The following ABCC1 variants were observed in gnomAD, a reference collection of about 807,000 sequenced individuals.
ABCC1 encodes multidrug resistance-associated protein 1.
ABCC1 carries 83 observed loss-of-function variants against 172.9 expected under a neutral mutation model. That is an observed-to-expected ratio of 0.48 (90% confidence interval 0.40 to 0.58). The LOEUF is 0.58. ABCC1 is among the 20% of genes least tolerant of loss of function. ABCC1 has a pLI of 0.00. For synonymous variants in ABCC1, 937 were observed against 825.2 expected (o/e 1.14, Z -2.32); for missense variants, 1,817 against 2,002.7 (o/e 0.91, Z 1.77).
At chr16:16,111,305 A>C in intron 21 of ABCC1, 70 bp from the exon 22 acceptor site, 6 of 1,308,034 alleles carry the variant, frequency 4.6e-6, no homozygotes, top group Non-Finnish European at 6.5e-6. Context: ...GAAGCCCCCG[A>C]CCTTGTGGGG....
At chr16:16,033,228 T>A in intron 6 of ABCC1, 58 bp downstream of exon 6, 2 of 1,475,814 alleles carry the variant, frequency 1.4e-6, no homozygotes, top group Non-Finnish European at 1.9e-6. Context: ...AATGAATGAA[T>A]GAACGAATGA....
At chr16:15,975,743 A>G (rs1163491386) in intron 1 of ABCC1, among the ~76,000 whole-genome samples, 3 of 151,176 alleles carry the variant, frequency 2.0e-5, no homozygotes, top group Non-Finnish European at 4.4e-5. Flanking sequence ...TTTATTACAG[A>G]CGGGGTTTCT....
chr16:16,010,024 A>T, intron 3 of ABCC1, 123 bp downstream of exon 3: 1 of 418,898 alleles, frequency 2.4e-6, no homozygotes, highest in Non-Finnish European at 3.6e-6. Flanking sequence ...CTGGGATATA[A>T]ATTAAATGTA....
chr16:16,116,267 A>G (rs1210547611), intron 23 of ABCC1, among the ~76,000 whole-genome samples: 4 of 152,010 alleles, frequency 2.6e-5, no homozygotes, highest in Admixed American at 6.6e-5. Flanking sequence ...CATTATATCT[A>G]TATTTCAGTC....
intron 17 of ABCC1, among the ~76,000 whole-genome samples, chr16:16,085,808 C>T (rs2050984252): frequency 6.6e-6 from 1 of 152,154 alleles, no homozygotes; most frequent in African/African-American, 2.4e-5. Flanking sequence ...ACGTGGCTGC[C>T]AGGACCCCAC....
chr16:15,971,402 T>G (rs1237193748), intron 1 of ABCC1, among the ~76,000 whole-genome samples: 1 of 152,202 alleles, frequency 6.6e-6, no homozygotes, highest in Non-Finnish European at 1.5e-5. Context: ...TCTAATGGCT[T>G]GCATTTGCAT....
In ABCC1 at chr16:16,134,403, A is replaced by G; in HGVS notation, c.4020A>G (p.Leu1340=). 2 of 1,614,120 alleles carry G rather than the reference A, an allele frequency of 1.2e-6. No individual in the cohort carries two copies. The highest frequency in any genetic ancestry group is 8.5e-7 in the Non-Finnish European group (1 of 1,180,016). The change falls in exon 28 of 31, where the codon TTA becomes TTG. Residue 1340 remains leucine (L), a synonymous_variant. Coordinates refer to ENST00000399410, the MANE Select transcript of ABCC1 (RefSeq NM_004996.4). The stretch of plus-strand genomic sequence containing the variant: ...GGAAGTCGTCCCTGACCCTGGGCTT[A>G]TTTCGGATCAACGAGTCTGCCGAAG... ...GAGKSSLTLG[L]FRINESAEGE...
Position 16,056,168 on chromosome 16 carries a change from T to C in ABCC1, c.1550T>C (p.Leu517Pro). The change falls in exon 12 of 31, where the codon CTT becomes CCT. Residue 517 changes from leucine (L) to proline (P), a missense_variant. By Grantham distance (98) the Leu-to-Pro change is moderately conservative. This residue lies in a region of ABCC1 where 1,412 missense variants were observed against 1,600.3 expected (regional missense o/e 0.88). Transcript: ENST00000399410. Reference sequence around the variant, plus strand: ...CTCAATGGGATCAAAGTGCTAAAGCTTTATGCCTGGGAGCTGGCATTCAAG... The same window carrying C: ...CTCAATGGGATCAAAGTGCTAAAGCCTTATGCCTGGGAGCTGGCATTCAAG... ...EILNGIKVLK[L>P]YAWELAFKDK... 6.2e-7 allele frequency: 1 copy of C among 1,614,080 alleles called. No individual in the cohort carries two copies. Among genetic ancestry groups the C allele is most frequent in the Non-Finnish European group, 8.5e-7 (1 of 1,180,020 alleles).
rs61396501 is a variant in ABCC1 at position 15,984,448 on chromosome 16, C to CGTTTTTTTTTTTTTT, written c.49-23368_49-23367insGTTTTTTTTTTTTTT. Among the ~76,000 whole-genome samples, 3 of 146,950 alleles carry CGTTTTTTTTTTTTTT rather than the reference C, an allele frequency of 2.0e-5. 1 individual carries two copies. Among genetic ancestry groups the CGTTTTTTTTTTTTTT allele is most frequent in the African/African-American group, 2.5e-5 (1 of 39,808 alleles). ...TTTTTATTGTTTACCTTGATATATA[C>CGTTTTTTTTTTTTTT]TTTTTTTTTTTTTGAGATAGAGTCT... On this transcript the variant is annotated intron_variant, in intron 1 of 30. Coordinates refer to ENST00000399410, the MANE Select transcript of ABCC1 (RefSeq NM_004996.4).
At chr16:16,127,754 C>T (rs1005607099) in intron 26 of ABCC1, among the ~76,000 whole-genome samples, 2 of 152,098 alleles carry the variant, frequency 1.3e-5, no homozygotes, top group Non-Finnish European at 2.9e-5. Flanking sequence ...GAGGTGACCT[C>T]GGCCCACTCC....
rs369725216 is a variant in ABCC1 at position 16,096,096 on chromosome 16, A to G, written c.2644+5508A>G. ...AGCCTCGCCAACATGGTGAAACCCC[A>G]TCTCTACTAAAAATACAGAAATGTC... On this transcript the variant is annotated intron_variant, in intron 19 of 30. Coordinates refer to ENST00000399410, the MANE Select transcript of ABCC1 (RefSeq NM_004996.4). Among the ~76,000 whole-genome samples the G allele has an allele frequency of 2.4e-4, 37 of 152,168 alleles. No individual in the cohort carries two copies. In the South Asian group the frequency reaches 5.2e-3, roughly 21 times the overall value.
intron 16 of ABCC1, among the ~76,000 whole-genome samples, chr16:16,082,633 C>G: frequency 6.6e-6 from 1 of 152,118 alleles, no homozygotes; most frequent in Non-Finnish European, 1.5e-5. Context: ...CCCGGATGTC[C>G]CAAACTAGGT....
chr16:15,969,516 G>T (rs968958510), intron 1 of ABCC1, among the ~76,000 whole-genome samples: 1 of 151,974 alleles, frequency 6.6e-6, no homozygotes, highest in Non-Finnish European at 1.5e-5. Context: ...GGGATTACAG[G>T]CATGTGCCAC....
chr16:16,079,451 C>T lies in ABCC1; in HGVS notation c.2088C>T (p.Asp696=), dbSNP rs2050719050. 3 of 1,613,340 alleles carry T rather than the reference C, an allele frequency of 1.9e-6. No individual in the cohort carries two copies. Among genetic ancestry groups the T allele is most frequent in the East Asian group, 2.2e-5 (1 of 44,878 alleles). Residue 696 remains aspartate, a synonymous_variant, in exon 16 of 31, where the codon GAC becomes GAT. Transcript: ENST00000399410. The stretch of plus-strand genomic sequence containing the variant: ...TCTCAGCCCTCTTGGCTGAGATGGA[C>T]AAAGTGGAGGGGCACGTGGCTATCA... ...SLLSALLAEM[D]KVEGHVAIKG...
chr16:15,964,897 G>A (rs948320740), intron 1 of ABCC1, among the ~76,000 whole-genome samples: 5 of 152,136 alleles, frequency 3.3e-5, no homozygotes, highest in African/African-American at 9.7e-5. Context: ...TGTATTTTCA[G>A]TGTGTCTTTC....
rs35980404 is a variant in ABCC1 at position 16,141,266 on chromosome 16, C to T, written c.4581C>T (p.Asp1527=). 3.4e-5 allele frequency: 55 copies of T among 1,613,994 alleles called. 3 individuals carry two copies. Among genetic ancestry groups the T allele is most frequent in the South Asian group, 1.2e-4 (11 of 91,078 alleles). The change falls in exon 31 of 31, where the codon GAC becomes GAT. Residue 1527 remains aspartate (D), a synonymous_variant. Coordinates refer to ENST00000399410, the MANE Select transcript of ABCC1 (RefSeq NM_004996.4). ...GTCTTTTCTACAGCATGGCCAAAGA[C>T]GCCGGCTTGGTGTGAGCCCCAGAGC... ...QRGLFYSMAK[D]AGLV is the part of the protein sequence containing the mutation.
Position 16,036,550 on chromosome 16 carries a change from A to G in ABCC1, c.756A>G (p.Gln252=). 1 of 1,614,148 alleles carries G rather than the reference A, an allele frequency of 6.2e-7. No homozygotes were observed. The highest frequency in any genetic ancestry group is 8.5e-7 in the Non-Finnish European group (1 of 1,179,968). ...WSLNKEDTSE[Q]VVPVLVKNWK... ...TAAACAAGGAGGACACGTCGGAACA[A>G]GTCGTGCCTGTTTTGGTAAAGAACT... The change falls in exon 7 of 31, where the codon CAA becomes CAG. Residue 252 remains glutamine, a synonymous_variant. Transcript: ENST00000399410.
rs186367766 is a variant in ABCC1 at position 16,027,775 on chromosome 16, C to T, written c.616-5334C>T. 4.6e-5 allele frequency among the ~76,000 whole-genome samples: 7 copies of T among 152,144 alleles called. No individual in the cohort carries two copies. In the South Asian group the frequency reaches 6.2e-4, roughly 14 times the overall value. On this transcript the variant is annotated intron_variant, in intron 5 of 30. Coordinates refer to ENST00000399410, the MANE Select transcript of ABCC1 (RefSeq NM_004996.4). ...CTGCAAAGAGCTATGATTACACTAC[C>T]GTGCTCCAGCCTGGGTGACAGAGCG...
chr16:16,097,970 C>G (rs1358169039), intron 19 of ABCC1: 1 of 152,276 alleles, frequency 6.6e-6, no homozygotes, highest in Non-Finnish European at 1.5e-5. Context: ...AAACGCCAAA[C>G]AATTAAGGGT....
Sources: allele counts gnomAD v4.1 joint callset (sites outside exome capture counted in the v4.1 genomes callset), GRCh38; gene constraint gnomAD v4.1.1; regional missense constraint gnomAD v4.1.1; transcripts MANE v1.5; gene names NCBI Gene and HGNC (gene_info 2026-07-23, HGNC 2026-07-21).